The following TRPM3 variants were observed in gnomAD, a reference collection of about 807,000 sequenced individuals.
The protein encoded by TRPM3 is transient receptor potential cation channel subfamily M member 3, also known as long transient receptor potential channel 3.
In TRPM3, 77 loss-of-function variants were observed where a neutral mutation model predicts 181.2. The ratio of observed to expected loss-of-function variants is 0.42; its 90% CI spans 0.35 to 0.51. The LOEUF (loss-of-function observed/expected upper bound fraction) is 0.51. Ranked by LOEUF, TRPM3 falls within the 20% of genes least tolerant of loss-of-function variation. TRPM3 has a pLI of 0.01. For missense variants in TRPM3, 1,759 were observed against 2,196.7 expected (o/e 0.80, Z 3.98); for synonymous variants, 745 against 796.4 (o/e 0.94, Z 1.09).
chr9:70,927,378 G>A (rs114214381), intron 1 of TRPM3, among the ~76,000 whole-genome samples: 2,611 of 152,248 alleles, frequency 0.017, 69 homozygotes, highest in African/African-American at 0.06. Flanking sequence ...ATGCCATCAC[G>A]AAGCTACTGT....
chr9:71,230,387 A>G (rs2080975107), intron 1 of TRPM3, among the ~76,000 whole-genome samples: 1 of 152,100 alleles, frequency 6.6e-6, no homozygotes, highest in Admixed American at 6.6e-5. Context: ...AAATATGAAT[A>G]AGATCTAGTA....
chr9:71,142,365 A>AT (rs1170471793), intron 1 of TRPM3, among the ~76,000 whole-genome samples: 2 of 152,180 alleles, frequency 1.3e-5, no homozygotes, highest in African/African-American at 4.8e-5. Context: ...CAAATAGCTC[A>AT]TTTAGTAGTT....
intron 1 of TRPM3, among the ~76,000 whole-genome samples, chr9:71,307,420 TTTA>T (rs1178500711): frequency 6.6e-6 from 1 of 152,148 alleles, no homozygotes; most frequent in African/African-American, 2.4e-5. Context: ...TCAATTTTCT[TTTA>T]TTTTTTCTTA....
At chr9:71,438,296 G>C (rs983800691) in intron 1 of TRPM3, among the ~76,000 whole-genome samples, 1 of 152,138 alleles carries the variant, frequency 6.6e-6, no homozygotes, top group Non-Finnish European at 1.5e-5. Context: ...AGATAATCAA[G>C]TAAATACAGT....
intron 1 of TRPM3, among the ~76,000 whole-genome samples, chr9:71,133,292 C>CTTTTTTT (rs761379173): frequency 0.18 from 13,047 of 71,386 alleles, 2,989 homozygotes; most frequent in South Asian, 0.26. Context: ...TAGCAAATTG[C>CTTTTTTT]TTTTTTTTTT....
intron 9 of TRPM3, among the ~76,000 whole-genome samples, chr9:70,652,879 A>G (rs986654066): frequency 3.3e-5 from 5 of 152,186 alleles, no homozygotes; most frequent in Admixed American, 6.5e-5. Flanking sequence ...GCTGGGATGT[A>G]AGAGTCTGCA....
intron 1 of TRPM3, among the ~76,000 whole-genome samples, chr9:70,884,040 GT>G (rs375218339): frequency 2.3e-4 from 33 of 146,568 alleles, no homozygotes; most frequent in Admixed American, 2.0e-4. Flanking sequence ...ATGTCCCAAG[GT>G]TTTTTTTTTT....
intron 5 of TRPM3, among the ~76,000 whole-genome samples, chr9:70,841,658 A>ATG (rs1564540613): frequency 3.6e-4 from 41 of 114,128 alleles, no homozygotes; most frequent in South Asian, 1.3e-3. Flanking sequence ...ATATATATAT[A>ATG]TATCCCACCA....
At chr9:71,160,840 C>G (rs1004730681) in intron 1 of TRPM3, among the ~76,000 whole-genome samples, 220 of 152,236 alleles carry the variant, frequency 1.4e-3, no homozygotes, top group African/African-American at 5.0e-3. Flanking sequence ...CTAAGGTTCC[C>G]AATTATATTT....
chr9:71,278,860 A>G (rs2132175005), intron 1 of TRPM3, among the ~76,000 whole-genome samples: 1 of 152,232 alleles, frequency 6.6e-6, no homozygotes, highest in South Asian at 2.1e-4. Flanking sequence ...AAAAAACGTG[A>G]AACCTAAAAG....
At chr9:70,835,029 T>G (rs1204321195) in intron 5 of TRPM3, among the ~76,000 whole-genome samples, 2 of 152,168 alleles carry the variant, frequency 1.3e-5, no homozygotes, top group Non-Finnish European at 2.9e-5. Flanking sequence ...ATTAGGGAGC[T>G]CTTGCTCTGT....
At chr9:70,813,642 T>C (rs1588714476) in intron 6 of TRPM3, among the ~76,000 whole-genome samples, 1 of 152,044 alleles carries the variant, frequency 6.6e-6, no homozygotes, top group Non-Finnish European at 1.5e-5. Context: ...TACCTGCACC[T>C]CCCGAAACTA....
intron 1 of TRPM3, among the ~76,000 whole-genome samples, chr9:71,152,175 C>G (rs539561137): frequency 6.6e-6 from 1 of 152,224 alleles, no homozygotes; most frequent in Non-Finnish European, 1.5e-5. Context: ...TCAACTTGCT[C>G]TGTAATAAAC....
chr9:71,078,250 T>A (rs1203846241), intron 1 of TRPM3, among the ~76,000 whole-genome samples: 1 of 152,142 alleles, frequency 6.6e-6, no homozygotes, highest in Non-Finnish European at 1.5e-5. Flanking sequence ...TGCTAAAAAA[T>A]GAGACAGAGA....
chr9:71,235,501 A>C (rs1289347921), intron 1 of TRPM3, among the ~76,000 whole-genome samples: 6 of 152,256 alleles, frequency 3.9e-5, no homozygotes, highest in Non-Finnish European at 8.8e-5. Flanking sequence ...ATAAATGAAC[A>C]AATGACTATA....
chr9:71,118,714 A>C (rs972523811), intron 1 of TRPM3, among the ~76,000 whole-genome samples: 1 of 152,144 alleles, frequency 6.6e-6, no homozygotes, highest in Non-Finnish European at 1.5e-5. Context: ...TGGCTTTGTT[A>C]CCTTAAGATT....
chr9:71,207,498 C>G (rs956850462), intron 1 of TRPM3, among the ~76,000 whole-genome samples: 3 of 152,034 alleles, frequency 2.0e-5, no homozygotes, highest in Non-Finnish European at 4.4e-5. Context: ...TAGTGTGTCC[C>G]ATCAAATTGG....
intron 1 of TRPM3, among the ~76,000 whole-genome samples, chr9:71,221,741 A>G (rs1475064246): frequency 6.6e-6 from 1 of 152,174 alleles, no homozygotes; most frequent in Non-Finnish European, 1.5e-5. Flanking sequence ...CAGGCCAATT[A>G]CCTCTGGGAA....
At chr9:70,669,943 C>T (rs1333999580) in intron 9 of TRPM3, among the ~76,000 whole-genome samples, 1 of 152,036 alleles carries the variant, frequency 6.6e-6, no homozygotes, top group Non-Finnish European at 1.5e-5. Context: ...CACCATGTTT[C>T]CCAGGCTGGT....
Sources: gnomAD v4.1 joint callset for allele counts (sites outside exome capture counted in the v4.1 genomes callset) on GRCh38, gnomAD v4.1.1 for gene constraint, MANE v1.5 for transcripts, NCBI Gene and HGNC (gene_info 2026-07-23, HGNC 2026-07-21) for gene names.